Variants in MAPK4 observed in about 807,000 individuals in gnomAD.
MAPK4 encodes the protein mitogen-activated protein kinase 4.
In MAPK4, 22 loss-of-function variants were observed where a neutral mutation model predicts 47.7. The ratio of observed to expected loss-of-function variants is 0.46; its 90% CI spans 0.33 to 0.66. MAPK4 has a LOEUF of 0.66. Among genes scored for constraint, MAPK4 ranks in the 30% least tolerant of loss-of-function variants. The pLI, the probability that MAPK4 is intolerant of heterozygous loss-of-function variation, is 0.02. For synonymous variants in MAPK4, 390 were observed against 365.7 expected (o/e 1.07, Z -0.76); for missense variants, 736 against 831.7 (o/e 0.88, Z 1.42).
At chr18:50,719,229 C>T (rs534182348) in intron 3 of MAPK4, among the ~76,000 whole-genome samples, 1 of 152,244 alleles carries the variant, frequency 6.6e-6, no homozygotes, top group East Asian at 1.9e-4. Flanking sequence ...ACAGTTTTCC[C>T]TCTGGTGGAT....
intron 1 of MAPK4, among the ~76,000 whole-genome samples, chr18:50,655,398 G>C (rs1002890536): frequency 6.6e-6 from 1 of 152,104 alleles, no homozygotes; most frequent in African/African-American, 2.4e-5. Flanking sequence ...TGCTGGGCAT[G>C]AGAGAGGAAC....
At chr18:50,679,113 G>C (rs1195658194) in intron 2 of MAPK4, among the ~76,000 whole-genome samples, 1 of 152,178 alleles carries the variant, frequency 6.6e-6, no homozygotes, top group Non-Finnish European at 1.5e-5. Context: ...AGTTCCCCAT[G>C]AAGGAGAGCA....
rs1429181689 is a variant in MAPK4 at position 50,729,658 on chromosome 18, C to T, written c.1568C>T (p.Pro523Leu). ...DPERRLSASP[P>L]GRPAPVDGGA... ...GAGCGCCGCTTGTCTGCCTCGCCCCCCGGCCGCCCGGCCCCGGTGGACGGC... is the reference window on the plus strand; with the variant it reads ...GAGCGCCGCTTGTCTGCCTCGCCCCTCGGCCGCCCGGCCCCGGTGGACGGC... Residue 523 changes from proline to leucine, a missense_variant, in exon 6 of 6, where the codon CCC becomes CTC. Around this residue, in one of 3 missense-constraint regions of MAPK4, gnomAD observed 377 missense variants for 378.6 expected, o/e 1.00. Transcript: ENST00000400384. 9.9e-6 allele frequency: 15 copies of T among 1,522,038 alleles called. No homozygotes were observed. Among genetic ancestry groups the T allele is most frequent in the Admixed American group, 8.2e-5 (4 of 48,518 alleles). 94.3% of individuals were successfully genotyped at this position (1,522,038 alleles called of 1,614,324 possible). A position where few individuals can be genotyped will look rare whatever the true frequency, so the allele number is the denominator to read the frequency against.
chr18:50,636,920 G>A (rs1297193255), intron 1 of MAPK4, among the ~76,000 whole-genome samples: 1 of 152,156 alleles, frequency 6.6e-6, no homozygotes, highest in African/African-American at 2.4e-5. Flanking sequence ...TTCACGATGA[G>A]AACATAAGGC....
rs537048776 is a variant in MAPK4, at chr18:50,612,521, T to C, written c.-870-50568T>C. ...TTGTGAGGGCATAGAACAAGAGCTG[T>C]ATATTTATGTGCATACTGAGAGGAG... On this transcript the variant is annotated intron_variant, in intron 1 of 5. Transcript: ENST00000400384. 9.9e-5 allele frequency among the ~76,000 whole-genome samples: 15 copies of C among 152,282 alleles called. No individual in the cohort carries two copies. In the East Asian group the frequency reaches 2.9e-3, roughly 29 times the overall value.
chr18:50,714,942 A>C (rs1485461942), intron 2 of MAPK4, 137 bp from the exon 3 acceptor site: 4 of 850,786 alleles, frequency 4.7e-6, no homozygotes, highest in South Asian at 3.6e-5. Flanking sequence ...ATGCTCCTTC[A>C]AGATCAATGG....
chr18:50,616,049 A>T (rs2149379809), intron 1 of MAPK4, among the ~76,000 whole-genome samples: 1 of 152,324 alleles, frequency 6.6e-6, no homozygotes, highest in Admixed American at 6.5e-5. Context: ...GGACCTTAGG[A>T]TTCCTCAGTG....
At chr18:50,596,214 G>T (rs2149369819) in intron 1 of MAPK4, among the ~76,000 whole-genome samples, 1 of 152,264 alleles carries the variant, frequency 6.6e-6, no homozygotes, top group Non-Finnish European at 1.5e-5. Context: ...TAAATGACTT[G>T]TCCAAGGTTA....
At chr18:50,566,760 A>C (rs1234322618) in intron 1 of MAPK4, among the ~76,000 whole-genome samples, 2 of 152,238 alleles carry the variant, frequency 1.3e-5, no homozygotes, top group Non-Finnish European at 1.5e-5. Flanking sequence ...TCATCTTTAC[A>C]GTAAATAACT....
In MAPK4 at chr18:50,715,228, G is replaced by C. The variant is rs758634895; in HGVS notation, c.691+5G>C. On this transcript the variant is annotated splice_donor_5th_base_variant and intron_variant, in intron 3 of 5. Transcript: ENST00000400384. ...CGGGGAGAATGCTCTTTGCTGGTGA[G>C]TTGCTAACTATGCCACCTTCCTTCT... The C allele has an allele frequency of 5.0e-6, 8 of 1,612,542 alleles. No homozygotes were observed. The highest frequency in any genetic ancestry group is 6.8e-6 in the Non-Finnish European group (8 of 1,179,434).
At position 50,664,664 on chromosome 18, in the gene MAPK4, G is replaced by A; in HGVS notation, c.546+160G>A. Among the ~76,000 whole-genome samples the A allele has an allele frequency of 6.6e-6, 1 of 152,198 alleles. No homozygotes were observed. Among genetic ancestry groups the A allele is most frequent in the East Asian group, 1.9e-4 (1 of 5,194 alleles). ...AGGAAGATCACTAGCCTGAAAAGTT[G>A]TTGGAGGCGTGGAGGGAGATCTGGT... On this transcript the variant is annotated intron_variant, in intron 2 of 5. Transcript: ENST00000400384. This position sits in a 1 kb window ranked among gnomAD's most constrained non-coding sequence, Gnocchi z 6.0.
At chr18:50,717,019 C>T (rs1054121023) in intron 3 of MAPK4, among the ~76,000 whole-genome samples, 1 of 152,204 alleles carries the variant, frequency 6.6e-6, no homozygotes, top group East Asian at 1.9e-4. Context: ...CCATCATCCC[C>T]CACACTGAGG....
Position 50,729,316 on chromosome 18 carries a change from T to C in MAPK4, c.1226T>C (p.Leu409Pro). The C allele has an allele frequency of 1.2e-6, 2 of 1,602,506 alleles. No individual in the cohort carries two copies. Among genetic ancestry groups the C allele is most frequent in the Non-Finnish European group, 1.7e-6 (2 of 1,174,316 alleles). ...TCGCACAGCAGCTCCGAGCGCTTCC[T>C]AGAGCAGTCGCACTCGTCCATGGAG... ...KDSHSSSERF[L>P]EQSHSSMERA... The change falls in exon 6 of 6, where the codon CTA becomes CCA. Residue 409 changes from leucine (L) to proline (P), a missense_variant. Transcript: ENST00000400384.
intron 1 of MAPK4, among the ~76,000 whole-genome samples, chr18:50,573,387 A>G (rs1020466569): frequency 6.6e-6 from 1 of 152,168 alleles, no homozygotes. Flanking sequence ...GCCGCTCCCC[A>G]TGGCTTGCAT....
intron 1 of MAPK4, among the ~76,000 whole-genome samples, chr18:50,658,530 G>A (rs191378572): frequency 1.7e-4 from 26 of 152,346 alleles, no homozygotes; most frequent in Non-Finnish European, 1.5e-4. Flanking sequence ...AGGTGAAGCC[G>A]TTGGCCTCTG....
At chr18:50,644,591 G>A (rs542459479) in intron 1 of MAPK4, among the ~76,000 whole-genome samples, 1 of 152,068 alleles carries the variant, frequency 6.6e-6, no homozygotes, top group African/African-American at 2.4e-5. Context: ...TTTTTAATGT[G>A]CTGAAAGCCA....
intron 1 of MAPK4, among the ~76,000 whole-genome samples, chr18:50,631,863 T>G (rs980862297): frequency 6.6e-5 from 10 of 152,204 alleles, no homozygotes; most frequent in African/African-American, 2.4e-4. Context: ...TAATACAACT[T>G]TATCAGCAAG....
intron 2 of MAPK4, among the ~76,000 whole-genome samples, chr18:50,682,699 A>G (rs1465715860): frequency 1.3e-5 from 2 of 152,260 alleles, no homozygotes; most frequent in African/African-American, 2.4e-5. Flanking sequence ...AGTAAAACTT[A>G]CATCTGTCAT....
intron 2 of MAPK4, among the ~76,000 whole-genome samples, chr18:50,682,352 A>T (rs1174039754): frequency 6.6e-6 from 1 of 152,318 alleles, no homozygotes; most frequent in East Asian, 1.9e-4. Context: ...AAATAGCTTC[A>T]TTGGTGAATT....
Sources: gnomAD v4.1 joint callset for allele counts (sites outside exome capture counted in the v4.1 genomes callset) on GRCh38, gnomAD v4.1.1 for gene constraint, gnomAD v4.1.1 regional missense constraint, Gnocchi (gnomAD v3.1) non-coding constraint, MANE v1.5 for transcripts, NCBI Gene and HGNC (gene_info 2026-07-23, HGNC 2026-07-21) for gene names.